Variants in ZNF285 observed in about 807,000 individuals in gnomAD.
The protein encoded by ZNF285 is zinc finger protein 285A.
A neutral mutation model predicts 6.2 loss-of-function variants in ZNF285; 4 were observed. The ratio of observed to expected loss-of-function variants is 0.65; its 90% CI spans 0.32 to 1.49. ZNF285 has a LOEUF of 1.49. Ranked by LOEUF, ZNF285 falls within the 40% of genes most tolerant of loss-of-function variation. ZNF285 has a pLI of 0.07. For synonymous variants in ZNF285, 240 were observed against 245.8 expected, an observed-to-expected ratio of 0.98 and a Z score of 0.22; for missense variants, 695 against 708.8, an observed-to-expected ratio of 0.98 and a Z score of 0.22.
At chr19:44,398,342 G>A (rs568978289) in intron 1 of ZNF285, among the ~76,000 whole-genome samples, 26 of 152,240 alleles carry the variant, frequency 1.7e-4, no homozygotes, top group African/African-American at 4.8e-4. Flanking sequence ...TCCCTTGCCA[G>A]TTAGCTTCCA....
chr19:44,386,485 C>T lies in ZNF285; in HGVS notation c.1760G>A (p.Arg587Lys), dbSNP rs1971072732. The T allele has an allele frequency of 1.2e-6, 2 of 1,610,552 alleles. No individual in the cohort carries two copies. Among genetic ancestry groups the T allele is most frequent in the Non-Finnish European group, 1.7e-6 (2 of 1,177,344 alleles). Residue 587 changes from arginine to lysine, a missense_variant, in exon 4 of 4, where the codon AGA becomes AAA. Physicochemically the swap from Arg to Lys is conservative, Grantham distance 26. Transcript: ENST00000614994. ...GACTTACTACATTTATAATGTTTCT[C>T]TCTGCTCATGTAGTCTTTGATGAGT... ...LLTHQRLHEQRETL is the reference protein window; with the variant it reads ...LLTHQRLHEQKETL
chr19:44,387,910 G>A lies in ZNF285; in HGVS notation c.335C>T (p.Ala112Val), dbSNP rs146498662. The A allele has an allele frequency of 6.2e-7, 1 of 1,613,950 alleles. No homozygotes were observed. The highest frequency in any genetic ancestry group is 1.3e-5 in the African/African-American group (1 of 75,026). Residue 112 changes from alanine to valine, a missense_variant, in exon 4 of 4, where the codon GCA (alanine) becomes GTA (valine). Transcript: ENST00000614994. ...TTCAGAAATCTGAAGAGAAATGCCT[G>A]CCCACTCTTCACTGAGGGAAACATC... ...LEDVSLSEEWAGISLQISENE... is the reference protein window; with the variant it reads ...LEDVSLSEEWVGISLQISENE...
chr19:44,397,455 G>A (rs1488721523), intron 1 of ZNF285, among the ~76,000 whole-genome samples, 199 bp from the exon 2 acceptor site: 1 of 152,136 alleles, frequency 6.6e-6, no homozygotes, highest in Non-Finnish European at 1.5e-5. Context: ...AGACCACTGT[G>A]TAACTCCTAT....
chr19:44,387,630 T>C lies in ZNF285; in HGVS notation c.615A>G (p.Arg205=), dbSNP rs1971114280. ...CCAAGTTTTTCCCACAGCTGGGATG[T>C]CTACCAGGGTCCTCTCCTTTACATT... ...SQECKGEDPG[R]HPSCGKNLGM... The change falls in exon 4 of 4, where the codon AGA becomes AGG. Residue 205 remains arginine (R), a synonymous_variant. Coordinates refer to ENST00000614994, the MANE Select transcript of ZNF285 (RefSeq NM_152354.6). 1 of 1,613,782 alleles carries C rather than the reference T, an allele frequency of 6.2e-7. No individual in the cohort carries two copies. The highest frequency in any genetic ancestry group is 1.7e-5 in the Admixed American group (1 of 59,968).
chr19:44,400,117 G>A (rs1280374764), intron 1 of ZNF285, among the ~76,000 whole-genome samples: 4 of 150,394 alleles, frequency 2.7e-5, no homozygotes, highest in African/African-American at 1.0e-4. Flanking sequence ...ACAGCAGGGT[G>A]GAAAAGGTGG....
rs1192611084 is a variant in ZNF285 at position 44,383,435 on chromosome 19, G to A, written c.*3037C>T. 6.6e-6 allele frequency: 1 copy of A among 152,120 alleles called. No individual in the cohort carries two copies. The highest frequency in any genetic ancestry group is 2.4e-5 in the African/African-American group (1 of 41,426). 9.4% of individuals were successfully genotyped at this position (152,120 alleles called of 1,614,324 possible). A position where few individuals can be genotyped will look rare whatever the true frequency, so the allele number is the denominator to read the frequency against. ...CCAACCCTCGATTGGTCTTCTGGAG[G>A]GTGAGAGACCATGATGACAGAGAGA... On this transcript the variant is annotated 3_prime_UTR_variant, in exon 4 of 4. Coordinates refer to ENST00000614994, the MANE Select transcript of ZNF285 (RefSeq NM_152354.6).
intron 2 of ZNF285, among the ~76,000 whole-genome samples, chr19:44,396,007 G>A (rs1467488993): frequency 1.3e-5 from 2 of 152,144 alleles, no homozygotes; most frequent in East Asian, 1.9e-4. Context: ...TGAACATTTG[G>A]TGAACTGTTG....
intron 1 of ZNF285, among the ~76,000 whole-genome samples, chr19:44,398,472 T>C (rs1294553589): frequency 2.0e-5 from 3 of 152,196 alleles, no homozygotes; most frequent in African/African-American, 7.2e-5. Context: ...CTATATTCCA[T>C]ATCCATTGAC....
rs550208566 is a variant in ZNF285 at position 44,399,545 on chromosome 19, C to T, written c.-44+2023G>A. ...TATACATTAGATGCACGTGCAAAGA[C>T]ATAAACTCACCCTCTACTTCCAGTA... On this transcript the variant is annotated intron_variant, in intron 1 of 3. Coordinates refer to ENST00000614994, the MANE Select transcript of ZNF285 (RefSeq NM_152354.6). Among the ~76,000 whole-genome samples the T allele has an allele frequency of 3.5e-4, 53 of 151,352 alleles. 1 individual carries two copies. The highest frequency in any genetic ancestry group is 1.1e-3 in the African/African-American group (46 of 40,888).
At chr19:44,391,477 G>C (rs553522213) in intron 3 of ZNF285, among the ~76,000 whole-genome samples, 3 of 152,136 alleles carry the variant, frequency 2.0e-5, no homozygotes, top group African/African-American at 7.2e-5. Flanking sequence ...GTTCCATGTG[G>C]CTGGGGAGGC....
chr19:44,392,136 G>A, intron 3 of ZNF285: 6 of 1,413,320 alleles, frequency 4.2e-6, no homozygotes, highest in Non-Finnish European at 5.5e-6. Context: ...TGAGATTTGG[G>A]GAGAGCTCCC....
chr19:44,393,882 C>G (rs1414087946), intron 2 of ZNF285, among the ~76,000 whole-genome samples: 1 of 152,062 alleles, frequency 6.6e-6, no homozygotes, highest in Non-Finnish European at 1.5e-5. Context: ...ACTAGAAATA[C>G]CATTTGACCC....
intron 3 of ZNF285, among the ~76,000 whole-genome samples, chr19:44,391,444 G>T (rs779038793): frequency 1.1e-4 from 17 of 151,984 alleles, no homozygotes; most frequent in Non-Finnish European, 1.6e-4. Context: ...ATTTATAAAG[G>T]AAAGAGGTTT....
At position 44,386,441 on chromosome 19, in the gene ZNF285, G is replaced by A. The variant is rs1971071072; in HGVS notation, c.*31C>T. On this transcript the variant is annotated 3_prime_UTR_variant, in exon 4 of 4. Coordinates refer to ENST00000614994, the MANE Select transcript of ZNF285 (RefSeq NM_152354.6). ...TCATCTGGAATACAGTGTGGCTTCT[G>A]TTTTACTAATTGAACCCTGACTTAC... 6.3e-7 allele frequency: 1 copy of A among 1,591,238 alleles called. No homozygotes were observed. Among genetic ancestry groups the A allele is most frequent in the Non-Finnish European group, 8.6e-7 (1 of 1,167,042 alleles).
chr19:44,397,728 T>C (rs1467067830), intron 1 of ZNF285, among the ~76,000 whole-genome samples: 1 of 151,756 alleles, frequency 6.6e-6, no homozygotes, highest in Non-Finnish European at 1.5e-5. Context: ...CTACTAAAAA[T>C]ACAAAATTAG....
In ZNF285 at chr19:44,383,552, A is replaced by G. The variant is rs1971031024; in HGVS notation, c.*2920T>C. On this transcript the variant is annotated 3_prime_UTR_variant, in exon 4 of 4. Coordinates refer to ENST00000614994, the MANE Select transcript of ZNF285 (RefSeq NM_152354.6). ...GATGCATGTACAAAGCCCAGTTAAG[A>G]TAATCTAGCATGTCCCACACCAGAA... 6.6e-6 allele frequency: 1 copy of G among 152,228 alleles called. No individual in the cohort carries two copies. Among genetic ancestry groups the G allele is most frequent in the Non-Finnish European group, 1.5e-5 (1 of 68,058 alleles). 9.4% of individuals were successfully genotyped at this position (152,228 alleles called of 1,614,324 possible).
intron 3 of ZNF285, among the ~76,000 whole-genome samples, chr19:44,388,523 G>C (rs1031241372): frequency 2.6e-5 from 4 of 151,968 alleles, no homozygotes; most frequent in Admixed American, 2.0e-4. Flanking sequence ...AGTGAGCCAA[G>C]ATTGTGCCAC....
intron 1 of ZNF285, among the ~76,000 whole-genome samples, chr19:44,398,409 A>G (rs933669548): frequency 6.6e-6 from 1 of 152,168 alleles, no homozygotes; most frequent in Non-Finnish European, 1.5e-5. Context: ...GACAAGAGTG[A>G]AGTCAGAATA....
chr19:44,394,525 C>T, intron 2 of ZNF285: 2 of 566,334 alleles, frequency 3.5e-6, no homozygotes, highest in South Asian at 2.4e-5. Context: ...CAAACCTGCA[C>T]ATGTATCCCT....
Sources: gnomAD v4.1 joint callset for allele counts (sites outside exome capture counted in the v4.1 genomes callset) on GRCh38, gnomAD v4.1.1 for gene constraint, MANE v1.5 for transcripts, NCBI Gene and HGNC (gene_info 2026-07-23, HGNC 2026-07-21) for gene names.